PTPRN2: variants seen among roughly 807,000 people sequenced by gnomAD.
PTPRN2 encodes the protein protein tyrosine phosphatase receptor type N2.
Under a neutral mutation model 118.8 loss-of-function variants are expected in PTPRN2, and 74 were observed. The ratio of observed to expected loss-of-function variants is 0.62; its 90% CI spans 0.52 to 0.76. The LOEUF is 0.76. PTPRN2 is among the 30% of genes least tolerant of loss of function. PTPRN2 has a pLI of 0.00. For synonymous variants in PTPRN2, 641 were observed against 608.0 expected, an observed-to-expected ratio of 1.05 and a Z score of -0.80; for missense variants, 1,481 against 1,394.4, an observed-to-expected ratio of 1.06 and a Z score of -0.99.
intron 12 of PTPRN2, among the ~76,000 whole-genome samples, chr7:157,689,450 C>A (rs1283694173): frequency 1.3e-5 from 2 of 152,192 alleles, no homozygotes; most frequent in Non-Finnish European, 2.9e-5. Context: ...GTGGCGGGGC[C>A]CCTCTCCCAG....
At chr7:158,543,169 C>T (rs1203761577) in intron 1 of PTPRN2, among the ~76,000 whole-genome samples, 2 of 152,250 alleles carry the variant, frequency 1.3e-5, no homozygotes, top group African/African-American at 4.8e-5. Flanking sequence ...AACAACAAAA[C>T]TGAGGCCCAA....
At position 157,682,943 on chromosome 7, in the gene PTPRN2, G is replaced by C; in HGVS notation, c.1789-6C>G. 6.3e-7 allele frequency: 1 copy of C among 1,599,570 alleles called. No individual in the cohort carries two copies. The highest frequency in any genetic ancestry group is 8.6e-7 in the Non-Finnish European group (1 of 1,167,554). On this transcript the variant is annotated splice_polypyrimidine_tract_variant and splice_region_variant and intron_variant, in intron 12 of 22. Coordinates refer to ENST00000389418, the MANE Select transcript of PTPRN2 (RefSeq NM_002847.5). ...AGGAACTTGAGTTTGCTTTTCTGCA[G>C]AACAAGGAGAGAGGGGTGTGTTAGC...
At chr7:158,065,887 A>C (rs1563380868) in intron 11 of PTPRN2, among the ~76,000 whole-genome samples, 1 of 152,204 alleles carries the variant, frequency 6.6e-6, no homozygotes, top group Non-Finnish European at 1.5e-5. Context: ...ATAAGAAATT[A>C]TGTGGCCATT....
chr7:158,411,533 C>T (rs1563260262), intron 2 of PTPRN2, among the ~76,000 whole-genome samples: 1 of 152,312 alleles, frequency 6.6e-6, no homozygotes, highest in East Asian at 1.9e-4. Context: ...GCTGTCGTCC[C>T]GGGAACAGGG....
rs996523394 is a variant in PTPRN2 at position 157,729,836 on chromosome 7, A to G, written c.1789-46899T>C. Among the ~76,000 whole-genome samples, 3 of 152,188 alleles carry G rather than the reference A, an allele frequency of 2.0e-5. No homozygotes were observed. Among genetic ancestry groups the G allele is most frequent in the Admixed American group, 1.3e-4 (2 of 15,298 alleles). The stretch of plus-strand genomic sequence containing the variant: ...GTGGAGGACGGGGAGCGGCAGGCGG[A>G]TGAGGGAAGGACCGTCCATTTGACT... On this transcript the variant is annotated intron_variant, in intron 12 of 22. Transcript: ENST00000389418. This position sits in a 1 kb window ranked among gnomAD's most constrained non-coding sequence, Gnocchi z 4.3.
intron 12 of PTPRN2, among the ~76,000 whole-genome samples, chr7:157,702,444 C>G (rs546185068): frequency 2.0e-5 from 3 of 152,184 alleles, no homozygotes; most frequent in Non-Finnish European, 2.9e-5. Context: ...ATGGGTGTCT[C>G]CCCTCAGAGA....
At chr7:158,554,748 G>A (rs1484973116) in intron 1 of PTPRN2, among the ~76,000 whole-genome samples, 1 of 152,118 alleles carries the variant, frequency 6.6e-6, no homozygotes, top group Non-Finnish European at 1.5e-5. Context: ...CTTCCAAGAC[G>A]CAGTGGCCTG....
In PTPRN2 at chr7:158,447,428, G is replaced by A. The variant is rs766503287; in HGVS notation, c.163+42307C>T. 3.0e-4 allele frequency among the ~76,000 whole-genome samples: 45 copies of A among 152,210 alleles called. 1 individual carries two copies. Among genetic ancestry groups the A allele is most frequent in the African/African-American group, 9.2e-4 (38 of 41,526 alleles). ...ATAACCACTACAGAGCACAAGACCC[G>A]TCTCCATAATTAGGCCCTGACGGAC... On this transcript the variant is annotated intron_variant, in intron 2 of 22. Transcript: ENST00000389418.
chr7:158,150,191 A>G (rs904037036), intron 6 of PTPRN2, among the ~76,000 whole-genome samples: 3 of 152,248 alleles, frequency 2.0e-5, no homozygotes, highest in South Asian at 4.1e-4. Flanking sequence ...AGTGTGTGTG[A>G]GACCCACCTT....
chr7:158,405,581 T>C (rs1813343264), intron 2 of PTPRN2, among the ~76,000 whole-genome samples: 1 of 152,214 alleles, frequency 6.6e-6, no homozygotes, highest in Admixed American at 6.5e-5. Flanking sequence ...GCACAACACT[T>C]TACTGCAGCA....
chr7:157,566,966 C>A (rs561231280), intron 21 of PTPRN2, among the ~76,000 whole-genome samples: 1 of 152,234 alleles, frequency 6.6e-6, no homozygotes, highest in Non-Finnish European at 1.5e-5. Flanking sequence ...CCACATCACA[C>A]GTTCACAAAC....
At chr7:158,086,445 C>T (rs184270065) in intron 10 of PTPRN2, among the ~76,000 whole-genome samples, 13 of 152,322 alleles carry the variant, frequency 8.5e-5, no homozygotes, top group Non-Finnish European at 1.5e-4. Flanking sequence ...CAGCTGCCAG[C>T]GTTTGATTAA....
At chr7:157,902,505 G>A (rs1392469030) in intron 11 of PTPRN2, among the ~76,000 whole-genome samples, 24 of 131,474 alleles carry the variant, frequency 1.8e-4, no homozygotes, top group Non-Finnish European at 3.3e-4. Flanking sequence ...TCAAGAGCAC[G>A]TGGGGACCAG....
intron 2 of PTPRN2, among the ~76,000 whole-genome samples, chr7:158,359,508 C>G (rs1253730488): frequency 6.6e-6 from 1 of 152,054 alleles, no homozygotes; most frequent in African/African-American, 2.4e-5. Context: ...AAGGCCTGCC[C>G]AAGGACTCCT....
chr7:157,627,911 G>C lies in PTPRN2; in HGVS notation c.2197-6402C>G, dbSNP rs1211989114. Among the ~76,000 whole-genome samples the C allele has an allele frequency of 6.6e-6, 1 of 152,238 alleles. No homozygotes were observed. The highest frequency in any genetic ancestry group is 2.4e-5 in the African/African-American group (1 of 41,470). On this transcript the variant is annotated intron_variant, in intron 14 of 22. Transcript: ENST00000389418. The surrounding 1 kb of genome is among the most constrained non-coding windows in gnomAD (Gnocchi z 4.2). The stretch of plus-strand genomic sequence containing the variant: ...TTTCGCGTTCTCACCCTTTGAGAAT[G>C]ACACCATCAGCGCTCACATAATCTA...
chr7:158,071,814 G>A (rs555678732), intron 11 of PTPRN2, among the ~76,000 whole-genome samples: 12 of 84,606 alleles, frequency 1.4e-4, no homozygotes, highest in African/African-American at 4.3e-4. Context: ...GGAGGTGCTC[G>A]TCGTATGGAG....
rs1050983160 is a variant in PTPRN2, at chr7:157,600,889, T to C, written c.2418+3113A>G. Reference sequence around the variant, plus strand: ...AGTCAGAACATCCAACCTCTCTTCTTTTTCTGAAAAGCCACTCTGTCCCTA... The same window carrying C: ...AGTCAGAACATCCAACCTCTCTTCTCTTTCTGAAAAGCCACTCTGTCCCTA... On this transcript the variant is annotated intron_variant, in intron 16 of 22. Coordinates refer to ENST00000389418, the MANE Select transcript of PTPRN2 (RefSeq NM_002847.5). 3.9e-5 allele frequency among the ~76,000 whole-genome samples: 6 copies of C among 152,268 alleles called. No individual in the cohort carries two copies. In the East Asian group the frequency reaches 9.6e-4, roughly 24 times the overall value.
chr7:157,997,317 A>G (rs896384900), intron 11 of PTPRN2, among the ~76,000 whole-genome samples: 7 of 152,240 alleles, frequency 4.6e-5, no homozygotes, highest in African/African-American at 1.4e-4. Flanking sequence ...AGCTCCAAGG[A>G]TGGGGCAGGC....
intron 6 of PTPRN2, among the ~76,000 whole-genome samples, chr7:158,141,526 G>A (rs1819387680): frequency 1.3e-5 from 2 of 152,234 alleles, no homozygotes; most frequent in South Asian, 4.1e-4. Context: ...GGCCTGTGGT[G>A]GGTTCTTTGA....
Sources: allele counts gnomAD v4.1 joint callset (sites outside exome capture counted in the v4.1 genomes callset), GRCh38; gene constraint gnomAD v4.1.1; non-coding constraint Gnocchi (gnomAD v3.1); transcripts MANE v1.5; gene names NCBI Gene and HGNC (gene_info 2026-07-23, HGNC 2026-07-21).